The following SCNN1G variants were observed in gnomAD, a reference collection of about 807,000 sequenced individuals.
SCNN1G encodes the protein sodium channel epithelial 1 subunit gamma.
In SCNN1G, 27 loss-of-function variants were observed where a neutral mutation model predicts 64.6. The observed-to-expected ratio is 0.42, with a 90% CI of 0.31 to 0.58. The LOEUF (loss-of-function observed/expected upper bound fraction) is 0.58, where lower values mean the gene tolerates loss of function less well. SCNN1G is among the 20% of genes least tolerant of loss of function. SCNN1G has a pLI of 0.18. For missense variants in SCNN1G, 743 were observed against 823.4 expected, an observed-to-expected ratio of 0.90 and a Z score of 1.19; for synonymous variants, 330 against 314.2, an observed-to-expected ratio of 1.05 and a Z score of -0.53.
chr16:23,212,695 C>A lies in SCNN1G; in HGVS notation c.1312C>A (p.Leu438Met). Residue 438 changes from leucine to methionine, a missense_variant, in exon 9 of 13, where the codon CTG (leucine) becomes ATG (methionine). Transcript: ENST00000300061. ...TCCCTCAGTGTATTGTTACTACCAA[C>A]TGCATCGAGCCTTTGTCCAGGAAGA... ...HPNWMYCYYQ[L>M]HRAFVQEELG... 2 of 1,614,128 alleles carry A rather than the reference C, an allele frequency of 1.2e-6. No individual in the cohort carries two copies. The highest frequency in any genetic ancestry group is 1.7e-6 in the Non-Finnish European group (2 of 1,179,954).
chr16:23,201,186 G>T (rs1300315062), intron 6 of SCNN1G, among the ~76,000 whole-genome samples: 2 of 152,150 alleles, frequency 1.3e-5, no homozygotes, highest in African/African-American at 4.8e-5. Flanking sequence ...TGAGCATTTT[G>T]GTCAGACATG....
At chr16:23,192,576 G>C in intron 4 of SCNN1G, 34 bp downstream of exon 4, 4 of 1,571,696 alleles carry the variant, frequency 2.5e-6, no homozygotes, top group Non-Finnish European at 1.7e-6. Flanking sequence ...CAGCCTCTAA[G>C]GACTGGCAGC....
intron 12 of SCNN1G, 139 bp from the exon 13 acceptor site, chr16:23,214,950 C>G (rs1878072358): frequency 8.5e-7 from 1 of 1,171,278 alleles, no homozygotes; most frequent in Admixed American, 1.9e-5. Flanking sequence ...TAAGAGGAAA[C>G]AGGAAGGCTG....
chr16:23,206,041 A>G (rs1207093190), intron 6 of SCNN1G, among the ~76,000 whole-genome samples: 1 of 152,228 alleles, frequency 6.6e-6, no homozygotes, highest in African/African-American at 2.4e-5. Flanking sequence ...ACAGAAATGC[A>G]GGATGAATGT....
chr16:23,204,332 TATAGAGAGAGAGAGAGAGAGAG>T, intron 6 of SCNN1G, among the ~76,000 whole-genome samples: 1 of 25,142 alleles, frequency 4.0e-5, no homozygotes, highest in African/African-American at 1.6e-4. Flanking sequence ...TATATATATA[TATAGAGAGAGAGAGAGAGAGAG>T]AGAGAGAGAG....
chr16:23,190,181 A>G (rs539036779), intron 3 of SCNN1G, among the ~76,000 whole-genome samples: 82 of 152,310 alleles, frequency 5.4e-4, no homozygotes, highest in Non-Finnish European at 1.1e-3. Flanking sequence ...GCAAACCACC[A>G]TGGTACATGT....
chr16:23,193,069 C>CAAAAAAAA (rs56318076), intron 4 of SCNN1G, among the ~76,000 whole-genome samples: 47 of 69,122 alleles, frequency 6.8e-4, no homozygotes, highest in African/African-American at 3.3e-3. Context: ...ACTCTTGTCT[C>CAAAAAAAA]AAAAAAAAAA....
chr16:23,183,222 G>A (rs1959550544), intron 1 of SCNN1G, among the ~76,000 whole-genome samples: 2 of 152,256 alleles, frequency 1.3e-5, no homozygotes, highest in Non-Finnish European at 2.9e-5. Flanking sequence ...AACACTTGAA[G>A]TGGGCTGGTT....
chr16:23,204,398 A>G (rs1959957541), intron 6 of SCNN1G, among the ~76,000 whole-genome samples: 1 of 137,548 alleles, frequency 7.3e-6, no homozygotes, highest in South Asian at 2.4e-4. Context: ...TTTTTAAGAA[A>G]AGAGGTGAAG....
chr16:23,210,597 T>C (rs932051420), intron 7 of SCNN1G, among the ~76,000 whole-genome samples: 7 of 152,102 alleles, frequency 4.6e-5, no homozygotes, highest in African/African-American at 1.7e-4. Flanking sequence ...TTCTGGGAAT[T>C]TATAGTTCAC....
In SCNN1G at chr16:23,189,629, T is replaced by C; in HGVS notation, c.576T>C (p.Asn192=). The change falls in exon 3 of 13, where the codon AAT becomes AAC. Residue 192 remains asparagine, a synonymous_variant. Coordinates refer to ENST00000300061, the MANE Select transcript of SCNN1G (RefSeq NM_001039.4). ...GTAGCATCATTCACAAGGCTTCAAATGTCATGCACATCGAGTCCAAGCAAG... is the reference window on the plus strand; with the variant it reads ...GTAGCATCATTCACAAGGCTTCAAACGTCATGCACATCGAGTCCAAGCAAG... ...VGGSIIHKAS[N]VMHIESKQVV... is the part of the protein sequence containing the mutation. The C allele has an allele frequency of 1.2e-6, 2 of 1,614,210 alleles. No homozygotes were observed. Among genetic ancestry groups the C allele is most frequent in the Non-Finnish European group, 8.5e-7 (1 of 1,180,024 alleles).
chr16:23,198,321 T>C (rs1959830667), intron 6 of SCNN1G, among the ~76,000 whole-genome samples: 1 of 152,198 alleles, frequency 6.6e-6, no homozygotes, highest in Non-Finnish European at 1.5e-5. Context: ...AAGAGTGGAC[T>C]CTGATGGCCT....
chr16:23,203,353 T>C (rs1262678789), intron 6 of SCNN1G, among the ~76,000 whole-genome samples: 2 of 152,072 alleles, frequency 1.3e-5, no homozygotes, highest in South Asian at 2.1e-4. Flanking sequence ...CCCAGTGGGG[T>C]TGGGGACCAG....
chr16:23,198,391 G>A (rs1365433436), intron 6 of SCNN1G, among the ~76,000 whole-genome samples: 1 of 152,118 alleles, frequency 6.6e-6, no homozygotes, highest in East Asian at 1.9e-4. Flanking sequence ...TTTTATTCCA[G>A]TATCTATCTG....
In SCNN1G at chr16:23,216,712, C is replaced by G. The variant is rs527408442; in HGVS notation, c.*1243C>G. On this transcript the variant is annotated 3_prime_UTR_variant, in exon 13 of 13. Coordinates refer to ENST00000300061, the MANE Select transcript of SCNN1G (RefSeq NM_001039.4). ...GAACTCCTGGCCTCAAATGATCTTC[C>G]CACTTCAGCCTCCCAAAGTGCAGGG... 6.6e-6 allele frequency: 1 copy of G among 152,086 alleles called. No individual in the cohort carries two copies. The highest frequency in any genetic ancestry group is 1.5e-5 in the Non-Finnish European group (1 of 68,020). The allele number at this position is 152,086 out of a possible 1,614,324, so 9.4% of individuals were successfully genotyped here. A position where few individuals can be genotyped will look rare whatever the true frequency, so the allele number is the denominator to read the frequency against.
intron 6 of SCNN1G, among the ~76,000 whole-genome samples, chr16:23,206,103 C>T (rs923000966): frequency 6.6e-6 from 1 of 152,124 alleles, no homozygotes; most frequent in Non-Finnish European, 1.5e-5. Context: ...TGTGATGGGC[C>T]CTAAAACAGG....
chr16:23,208,038 A>C (rs1370500346), intron 6 of SCNN1G, among the ~76,000 whole-genome samples: 2 of 152,256 alleles, frequency 1.3e-5, no homozygotes, highest in African/African-American at 4.8e-5. Context: ...ACACAGTTGT[A>C]ATAAACTGGT....
intron 3 of SCNN1G, among the ~76,000 whole-genome samples, chr16:23,190,077 A>AG (rs1555473517): frequency 4.4e-4 from 67 of 151,028 alleles, no homozygotes; most frequent in African/African-American, 7.5e-4. Flanking sequence ...TAAAAAAAAA[A>AG]GGGGAGAGTT....
rs1959721459 is a variant in SCNN1G, at chr16:23,192,295, T to C, written c.619-57T>C. On this transcript the variant is annotated intron_variant, in intron 3 of 12. Coordinates refer to ENST00000300061, the MANE Select transcript of SCNN1G (RefSeq NM_001039.4). ...CTCAGTCACTCATTCTTATGGTCCT[T>C]CTGAAGAGTAGCGATAGGACCGATG... The C allele has an allele frequency of 7.3e-6, 10 of 1,362,796 alleles. No individual in the cohort carries two copies. The South Asian group carries it at 1.0e-4, about 14-fold the overall frequency. 84.4% of individuals were successfully genotyped at this position (1,362,796 alleles called of 1,614,324 possible).
Sources: gnomAD v4.1 joint callset for allele counts (sites outside exome capture counted in the v4.1 genomes callset) on GRCh38, gnomAD v4.1.1 for gene constraint, MANE v1.5 for transcripts, NCBI Gene and HGNC (gene_info 2026-07-23, HGNC 2026-07-21) for gene names.